The following TMPRSS15 variants were observed in gnomAD, a reference collection of about 807,000 sequenced individuals.
The protein encoded by TMPRSS15 is transmembrane serine protease 15.
In TMPRSS15, 128 loss-of-function variants were observed where a neutral mutation model predicts 125.3. That is an observed-to-expected ratio of 1.02 (90% CI 0.89 to 1.18). The LOEUF (loss-of-function observed/expected upper bound fraction) is 1.18. Among genes scored for constraint, TMPRSS15 ranks in the 50% most tolerant of loss-of-function variants. The pLI is 0.00. For missense variants in TMPRSS15, 1,283 were observed against 1,212.7 expected (o/e 1.06, Z -0.86); for synonymous variants, 446 against 423.2 (o/e 1.05, Z -0.66).
chr21:18,330,068 T>C (rs1333474776), intron 14 of TMPRSS15, among the ~76,000 whole-genome samples: 3 of 152,228 alleles, frequency 2.0e-5, no homozygotes, highest in African/African-American at 7.2e-5. Context: ...TCATTTATCT[T>C]ATTCTTCCTA....
intron 1 of TMPRSS15, among the ~76,000 whole-genome samples, chr21:18,413,359 CCTTT>C (rs1361731788): frequency 4.1e-5 from 5 of 121,624 alleles, no homozygotes; most frequent in Admixed American, 2.7e-4. Flanking sequence ...TTCCTTCCTT[CCTTT>C]CCTTCCTTCC....
intron 16 of TMPRSS15, among the ~76,000 whole-genome samples, chr21:18,319,678 C>T (rs2075214150): frequency 6.6e-6 from 1 of 152,184 alleles, no homozygotes; most frequent in Admixed American, 6.5e-5. Context: ...ATCTGGCCGC[C>T]TCGGCCTCCC....
upstream of TMPRSS15, among the ~76,000 whole-genome samples, chr21:18,404,854 T>C (rs2076136034): frequency 6.6e-6 from 1 of 152,060 alleles, no homozygotes; most frequent in Non-Finnish European, 1.5e-5. Context: ...AATAGAATTA[T>C]GAGTAAACAA....
rs543969546 is a variant in TMPRSS15, at chr21:18,416,252, T to C, written c.11-17923A>G. ...ATCTACAGGTGAAATGCTATATTCA[T>C]CAAAATCCTAATGGTGTTTTTTACA... On this transcript the variant is annotated intron_variant, in intron 1 of 7. Coordinates refer to the TMPRSS15 transcript ENST00000422787. Among the ~76,000 whole-genome samples the C allele has an allele frequency of 5.9e-5, 9 of 152,112 alleles. No individual in the cohort carries two copies. In the South Asian group the frequency reaches 6.2e-4, roughly 11 times the overall value.
chr21:18,376,571 T>C (rs771632845), intron 5 of TMPRSS15, among the ~76,000 whole-genome samples: 2 of 152,182 alleles, frequency 1.3e-5, no homozygotes, highest in Non-Finnish European at 2.9e-5. Context: ...ATTACATTTT[T>C]TATGAGATTG....
Position 18,397,900 on chromosome 21 carries a change from T to C in TMPRSS15, c.323A>G (p.Asn108Ser), listed in dbSNP as rs746882246. The C allele has an allele frequency of 5.8e-6, 9 of 1,551,828 alleles. No homozygotes were observed. The highest frequency in any genetic ancestry group is 7.9e-6 in the Non-Finnish European group (9 of 1,135,254). The change falls in exon 3 of 25, where the codon AAC (asparagine) becomes AGC (serine). Residue 108 changes from asparagine (N) to serine (S), a missense_variant. Coordinates refer to ENST00000284885, the MANE Select transcript of TMPRSS15 (RefSeq NM_002772.3). ...LSSNLKNEYK[N>S]SRVLQFENGS... Reference sequence around the variant, plus strand: ...TCACTCAAATTGTAAAACTCTTGAGTTCTTATATTCATTCTTCAGATTGCT... The same window carrying C: ...TCACTCAAATTGTAAAACTCTTGAGCTCTTATATTCATTCTTCAGATTGCT...
chr21:18,299,692 CT>C (rs2074944661), intron 18 of TMPRSS15, among the ~76,000 whole-genome samples: 1 of 152,170 alleles, frequency 6.6e-6, no homozygotes, highest in Non-Finnish European at 1.5e-5. Context: ...TAACATTCTT[CT>C]AGGTAGTTTT....
intron 1 of TMPRSS15, among the ~76,000 whole-genome samples, chr21:18,410,408 G>A (rs188804963): frequency 2.1e-4 from 32 of 152,062 alleles, no homozygotes; most frequent in Non-Finnish European, 4.0e-4. Context: ...ATCTCCACTG[G>A]GATCCTGTAG....
chr21:18,389,832 A>G (rs956558569), intron 3 of TMPRSS15, among the ~76,000 whole-genome samples: 4 of 152,164 alleles, frequency 2.6e-5, no homozygotes, highest in African/African-American at 7.2e-5. Flanking sequence ...TGATGATCCG[A>G]TACCAATTAT....
intron 8 of TMPRSS15, among the ~76,000 whole-genome samples, chr21:18,355,844 C>T (rs1027344847): frequency 6.6e-6 from 1 of 151,842 alleles, no homozygotes; most frequent in Non-Finnish European, 1.5e-5. Flanking sequence ...TTAATGCTTT[C>T]TGTGCCTCTG....
At chr21:18,457,061 T>G (rs1978455502) in intron 1 of TMPRSS15, among the ~76,000 whole-genome samples, 1 of 152,106 alleles carries the variant, frequency 6.6e-6, no homozygotes, top group East Asian at 1.9e-4. Flanking sequence ...CCCCTTACTA[T>G]GTGACCTTCA....
At chr21:18,276,190 A>T (rs2074617482) in intron 23 of TMPRSS15, among the ~76,000 whole-genome samples, 1 of 152,218 alleles carries the variant, frequency 6.6e-6, no homozygotes, top group Non-Finnish European at 1.5e-5. Context: ...GAAGCAAAAA[A>T]AGTGTGTTCG....
chr21:18,326,799 C>T (rs2075296382), intron 15 of TMPRSS15, among the ~76,000 whole-genome samples: 1 of 152,202 alleles, frequency 6.6e-6, no homozygotes, highest in Non-Finnish European at 1.5e-5. Context: ...TTGTGCAACT[C>T]TATAATGTAA....
At chr21:18,371,323 A>G (rs1214356220) in intron 6 of TMPRSS15, among the ~76,000 whole-genome samples, 1 of 152,190 alleles carries the variant, frequency 6.6e-6, no homozygotes, top group Non-Finnish European at 1.5e-5. Context: ...CAGGTAGTTG[A>G]AACTGTGGAA....
At chr21:18,275,841 G>T (rs2074613428) in intron 23 of TMPRSS15, among the ~76,000 whole-genome samples, 1 of 152,144 alleles carries the variant, frequency 6.6e-6, no homozygotes, top group South Asian at 2.1e-4. Context: ...CTGGTCTAGG[G>T]GCAATCAGCT....
intron 1 of TMPRSS15, among the ~76,000 whole-genome samples, chr21:18,415,726 T>C (rs2076178386): frequency 6.6e-6 from 1 of 152,120 alleles, no homozygotes; most frequent in Non-Finnish European, 1.5e-5. Flanking sequence ...GTCTTTATGC[T>C]AGTACCATAC....
At position 18,383,706 on chromosome 21, in the gene TMPRSS15, T is replaced by C; in HGVS notation, c.417A>G (p.Glu139=). 6.2e-7 allele frequency: 1 copy of C among 1,613,992 alleles called. No individual in the cohort carries two copies. The highest frequency in any genetic ancestry group is 8.5e-7 in the Non-Finnish European group (1 of 1,179,932). The change falls in exon 4 of 25, where the codon GAA becomes GAG. Residue 139 remains glutamate, a synonymous_variant. Transcript: ENST00000284885. ...TATTTGCTTCAAGGCCTTGAATCAGTTCTTCTTTTACATTTTCATCTGACA... is the reference window on the plus strand; with the variant it reads ...TATTTGCTTCAAGGCCTTGAATCAGCTCTTCTTTTACATTTTCATCTGACA... ...QWVSDENVKE[E]LIQGLEANKS...
At chr21:18,404,984 T>C (rs2076138796), upstream of TMPRSS15, among the ~76,000 whole-genome samples, 1 of 152,108 alleles carries the variant, frequency 6.6e-6, no homozygotes, top group South Asian at 2.1e-4. Context: ...TTATTTATAT[T>C]CTAGGGGACA....
intron 18 of TMPRSS15, among the ~76,000 whole-genome samples, chr21:18,301,546 C>A (rs767803485): frequency 3.4e-4 from 51 of 152,174 alleles, no homozygotes; most frequent in Non-Finnish European, 6.5e-4. Flanking sequence ...GCACCTGAGG[C>A]TCTTACTGCC....
Sources: allele counts gnomAD v4.1 joint callset (sites outside exome capture counted in the v4.1 genomes callset), GRCh38; gene constraint gnomAD v4.1.1; transcripts MANE v1.5; gene names NCBI Gene and HGNC (gene_info 2026-07-23, HGNC 2026-07-21).